The following DDAH1 variants were observed in gnomAD, a reference collection of about 807,000 sequenced individuals.
The protein encoded by DDAH1 is N(G),N(G)-dimethylarginine dimethylaminohydrolase 1.
In DDAH1, 19 loss-of-function variants were observed where a neutral mutation model predicts 28.8. The observed-to-expected ratio is 0.66, with a 90% CI of 0.46 to 0.97. DDAH1 has a LOEUF of 0.97. Ranked by LOEUF, DDAH1 falls within the 50% of genes least tolerant of loss-of-function variation. The probability of loss-of-function intolerance (pLI) is 0.00; values close to 1 mark genes in which losing one functional copy is unlikely to be tolerated. For missense variants in DDAH1, 326 were observed against 375.9 expected, an observed-to-expected ratio of 0.87 and a Z score of 1.10; for synonymous variants, 153 against 154.4, an observed-to-expected ratio of 0.99 and a Z score of 0.07.
intron 1 of DDAH1, among the ~76,000 whole-genome samples, chr1:85,441,658 T>C (rs1654203354): frequency 6.6e-6 from 1 of 152,174 alleles, no homozygotes; most frequent in South Asian, 2.1e-4. Context: ...GAATAAACAC[T>C]ACTTTATCCT....
intron 1 of DDAH1, among the ~76,000 whole-genome samples, chr1:85,393,277 TCA>T (rs1052803100): frequency 1.1e-4 from 17 of 152,160 alleles, no homozygotes; most frequent in Non-Finnish European, 2.1e-4. Context: ...GAGGCATAAG[TCA>T]CACAGTTTAA....
intron 1 of DDAH1, among the ~76,000 whole-genome samples, chr1:85,561,161 C>G (rs1308870835): frequency 6.6e-6 from 1 of 152,036 alleles, no homozygotes; most frequent in Non-Finnish European, 1.5e-5. Flanking sequence ...TGACTGTGAG[C>G]ATGTTACTTC....
At chr1:85,419,277 A>G (rs528546363) in intron 1 of DDAH1, among the ~76,000 whole-genome samples, 42 of 152,136 alleles carry the variant, frequency 2.8e-4, no homozygotes, top group Non-Finnish European at 4.4e-4. Context: ...TGTGGCTCAC[A>G]TCTGTAATCG....
At chr1:85,509,649 C>A (rs1196661629) in intron 1 of DDAH1, among the ~76,000 whole-genome samples, 1 of 152,128 alleles carries the variant, frequency 6.6e-6, no homozygotes, top group African/African-American at 2.4e-5. Flanking sequence ...CTTAAATGAC[C>A]TGATGGAGCT....
At chr1:85,347,784 G>T (rs140553832) in intron 4 of DDAH1, among the ~76,000 whole-genome samples, 2,284 of 151,850 alleles carry the variant, frequency 0.015, 25 homozygotes, top group Non-Finnish European at 0.024. Flanking sequence ...AAAAATAATT[G>T]CCCCATTATT....
intron 1 of DDAH1, among the ~76,000 whole-genome samples, chr1:85,502,110 G>A (rs575453882): frequency 6.6e-5 from 10 of 152,294 alleles, no homozygotes; most frequent in African/African-American, 1.9e-4. Flanking sequence ...ACACTTTATT[G>A]GCACTGCTTC....
At chr1:85,567,854 T>A (rs567989625) in intron 1 of DDAH1, among the ~76,000 whole-genome samples, 1 of 152,276 alleles carries the variant, frequency 6.6e-6, no homozygotes, top group East Asian at 1.9e-4. Context: ...TCAAACAATT[T>A]TGCCTAACTG....
intron 1 of DDAH1, among the ~76,000 whole-genome samples, chr1:85,401,489 T>C (rs1028864311): frequency 7.1e-6 from 1 of 141,360 alleles, no homozygotes; most frequent in East Asian, 2.1e-4. Context: ...TTTTCTTTTT[T>C]CTTTTTTCTT....
chr1:85,406,404 C>A (rs1652405618), intron 1 of DDAH1, among the ~76,000 whole-genome samples: 1 of 152,078 alleles, frequency 6.6e-6, no homozygotes, highest in Non-Finnish European at 1.5e-5. Flanking sequence ...AAATTATCCC[C>A]ATCCTCTCAG....
intron 4 of DDAH1, among the ~76,000 whole-genome samples, chr1:85,326,310 AACAGGTC>A (rs1209900093): frequency 1.3e-5 from 2 of 152,372 alleles, no homozygotes; most frequent in East Asian, 3.9e-4. Context: ...CATACAGATG[AACAGGTC>A]ACAGACCCAG....
At chr1:85,351,709 G>C in intron 2 of DDAH1, 130 bp from the exon 3 acceptor site, 2 of 649,640 alleles carry the variant, frequency 3.1e-6, no homozygotes, top group Admixed American at 2.9e-5. Flanking sequence ...CTTCACTAAA[G>C]AGACTACAAA....
intron 1 of DDAH1, among the ~76,000 whole-genome samples, chr1:85,367,469 G>A (rs896545939): frequency 1.3e-5 from 2 of 152,162 alleles, no homozygotes; most frequent in African/African-American, 4.8e-5. Flanking sequence ...AACAAGGTTT[G>A]AGGAACCTCT....
intron 4 of DDAH1, among the ~76,000 whole-genome samples, chr1:85,343,005 T>TA (rs1244656471): frequency 3.3e-5 from 5 of 152,326 alleles, no homozygotes; most frequent in African/African-American, 1.2e-4. Context: ...TTTCAGAAGT[T>TA]AGAGTCTTGG....
At chr1:85,560,606 A>G (rs1044176298) in intron 1 of DDAH1, among the ~76,000 whole-genome samples, 1 of 152,096 alleles carries the variant, frequency 6.6e-6, no homozygotes, top group Non-Finnish European at 1.5e-5. Flanking sequence ...AAGAGAGACT[A>G]GTAAGTTTAA....
intron 2 of DDAH1, among the ~76,000 whole-genome samples, chr1:85,481,506 T>C (rs1656014483): frequency 6.6e-6 from 1 of 152,222 alleles, no homozygotes; most frequent in South Asian, 2.1e-4. Flanking sequence ...GTTATGAGAA[T>C]AACTACCCAT....
intron 1 of DDAH1, among the ~76,000 whole-genome samples, chr1:85,524,375 T>TA (rs1363315148): frequency 4.7e-5 from 7 of 147,804 alleles, no homozygotes; most frequent in Admixed American, 1.4e-4. Context: ...AATAGGACCT[T>TA]AAAAAAAACA....
chr1:85,324,806 T>C lies in DDAH1; in HGVS notation c.675A>G (p.Leu225=), dbSNP rs375462317. The C allele has an allele frequency of 9.9e-6, 16 of 1,614,110 alleles. No individual in the cohort carries two copies. Among genetic ancestry groups the C allele is most frequent in the Admixed American group, 3.3e-5 (2 of 60,018 alleles). ...PDDIAANCIY[L]NIPNKGHVLL... is the part of the protein sequence containing the mutation. ...AGACGTGCCCTTTGTTGGGGATATT[T>C]AGATATATACAGTTTGCTGCTATGT... Residue 225 remains leucine (L), a synonymous_variant, in exon 5 of 6, where the codon CTA becomes CTG. Transcript: ENST00000284031.
At chr1:85,379,787 C>A in intron 1 of DDAH1, 3 of 835,184 alleles carry the variant, frequency 3.6e-6, no homozygotes, top group Non-Finnish European at 4.3e-6. Flanking sequence ...TAATCACCAA[C>A]CTTGGAATCT....
At chr1:85,339,870 T>C (rs1231579581) in intron 4 of DDAH1, among the ~76,000 whole-genome samples, 1 of 152,170 alleles carries the variant, frequency 6.6e-6, no homozygotes, top group Non-Finnish European at 1.5e-5. Flanking sequence ...CAACGTTTCC[T>C]AATCCCTTCA....
Sources: allele counts gnomAD v4.1 joint callset (sites outside exome capture counted in the v4.1 genomes callset), GRCh38; gene constraint gnomAD v4.1.1; transcripts MANE v1.5; gene names NCBI Gene and HGNC (gene_info 2026-07-23, HGNC 2026-07-21).